Variants in RPS6KA2 observed in about 807,000 individuals in gnomAD.
RPS6KA2 encodes the protein ribosomal protein S6 kinase alpha-2.
RPS6KA2 carries 42 observed loss-of-function variants against 91.8 expected under a neutral mutation model. The observed-to-expected ratio is 0.46, with a 90% confidence interval of 0.36 to 0.59. The LOEUF (loss-of-function observed/expected upper bound fraction) is 0.59, where lower values mean the gene tolerates loss of function less well. Among genes scored for constraint, RPS6KA2 ranks in the 20% least tolerant of loss-of-function variants. RPS6KA2 has a pLI of 0.00. For missense variants in RPS6KA2, 798 were observed against 978.5 expected (o/e 0.82, Z 2.46); for synonymous variants, 414 against 393.6 (o/e 1.05, Z -0.61).
intron 2 of RPS6KA2, among the ~76,000 whole-genome samples, chr6:166,839,206 T>C (rs1780396961): frequency 6.6e-6 from 1 of 152,210 alleles, no homozygotes; most frequent in Non-Finnish European, 1.5e-5. Context: ...AGTCATGGTG[T>C]TCCCCCCTTG....
At position 166,533,250 on chromosome 6, in the gene RPS6KA2, C is replaced by T. The variant is rs772067717; in HGVS notation, c.217-1937G>A. On this transcript the variant is annotated intron_variant, in intron 2 of 20. Coordinates refer to ENST00000265678, the MANE Select transcript of RPS6KA2 (RefSeq NM_021135.6). This position sits in a 1 kb window ranked among gnomAD's most constrained non-coding sequence, Gnocchi z 4.0. ...TGCAACTCCTTTCATTTCTCCAGCC[C>T]GTCCGTGTGCCTAATGTCCCTAGGT... Among the ~76,000 whole-genome samples the T allele has an allele frequency of 1.8e-4, 27 of 152,352 alleles. No individual in the cohort carries two copies. The highest frequency in any genetic ancestry group is 3.2e-4 in the Non-Finnish European group (22 of 68,040).
intron 11 of RPS6KA2, among the ~76,000 whole-genome samples, chr6:166,464,386 GAA>G (rs1780442290): frequency 6.6e-6 from 1 of 152,134 alleles, no homozygotes; most frequent in African/African-American, 2.4e-5. Flanking sequence ...ACTGTACAAA[GAA>G]CATAAACATG....
At chr6:166,647,137 ATCT>A (rs1787631773) in intron 2 of RPS6KA2, among the ~76,000 whole-genome samples, 1 of 150,908 alleles carries the variant, frequency 6.6e-6, no homozygotes, top group South Asian at 2.1e-4. Flanking sequence ...CCAGTTCACC[ATCT>A]TTTTTGCCCC....
Position 166,427,991 on chromosome 6 carries a change from G to A in RPS6KA2, c.1581+2462C>T, listed in dbSNP as rs192890262. On this transcript the variant is annotated intron_variant, in intron 16 of 20. Transcript: ENST00000265678. ...GAACCAAAAAAGAGCCGCCCGCATC[G>A]CCAAGTCAATCCTAAGCCAAAAGAA... Among the ~76,000 whole-genome samples the A allele has an allele frequency of 2.1e-4, 32 of 151,330 alleles. No individual in the cohort carries two copies. The East Asian group carries it at 4.2e-3, about 20-fold the overall frequency.
At chr6:166,808,075 C>T (rs1465836986) in intron 2 of RPS6KA2, among the ~76,000 whole-genome samples, 1 of 151,870 alleles carries the variant, frequency 6.6e-6, no homozygotes, top group Non-Finnish European at 1.5e-5. Flanking sequence ...CACGATGGAC[C>T]CATGGCTCCA....
At chr6:166,744,363 G>A (rs1413579349) in intron 2 of RPS6KA2, among the ~76,000 whole-genome samples, 2 of 152,020 alleles carry the variant, frequency 1.3e-5, no homozygotes, top group African/African-American at 2.4e-5. Flanking sequence ...TGGCCTCGCC[G>A]CAGACCTGAG....
At chr6:166,522,532 C>A (rs1040671672) in intron 3 of RPS6KA2, among the ~76,000 whole-genome samples, 3 of 152,200 alleles carry the variant, frequency 2.0e-5, no homozygotes. Flanking sequence ...AAGACTGAGC[C>A]GACAGACACA....
intron 2 of RPS6KA2, among the ~76,000 whole-genome samples, chr6:166,636,940 C>G (rs1035585255): frequency 4.6e-5 from 7 of 152,196 alleles, no homozygotes; most frequent in Non-Finnish European, 8.8e-5. Flanking sequence ...GTTCCAAAAC[C>G]CTGACACTGC....
Position 166,435,051 on chromosome 6 carries a change from T to C in RPS6KA2, c.1333-2561A>G, listed in dbSNP as rs776473723. Among the ~76,000 whole-genome samples, 8 of 152,194 alleles carry C rather than the reference T, an allele frequency of 5.3e-5. No homozygotes were observed. Among genetic ancestry groups the C allele is most frequent in the Non-Finnish European group, 1.0e-4 (7 of 68,034 alleles). On this transcript the variant is annotated intron_variant, in intron 14 of 20. Transcript: ENST00000265678. This position sits in a 1 kb window ranked among gnomAD's most constrained non-coding sequence, Gnocchi z 4.3. ...AAAATTTTGAACCACAAGAATATAT[T>C]GTCTATTCAAAATATGAAATAAAGA...
rs886466257 is a variant in RPS6KA2 at position 166,500,462 on chromosome 6, G to T, written c.604+425C>A. The stretch of plus-strand genomic sequence containing the variant: ...AGGAGGCAGGGACAGCATCAGTGAG[G>T]GCAGCAGTGCAGGCCGCACTCCAGC... On this transcript the variant is annotated intron_variant, in intron 7 of 20. Coordinates refer to ENST00000265678, the MANE Select transcript of RPS6KA2 (RefSeq NM_021135.6). The surrounding 1 kb of genome is among the most constrained non-coding windows in gnomAD (Gnocchi z 4.3). 6.6e-6 allele frequency among the ~76,000 whole-genome samples: 1 copy of T among 152,124 alleles called. No individual in the cohort carries two copies. The highest frequency in any genetic ancestry group is 1.5e-5 in the Non-Finnish European group (1 of 68,008).
At chr6:166,820,839 C>T (rs1779888837) in intron 2 of RPS6KA2, among the ~76,000 whole-genome samples, 1 of 152,098 alleles carries the variant, frequency 6.6e-6, no homozygotes, top group South Asian at 2.1e-4. Context: ...TTATAATGAC[C>T]TCAATTATTT....
chr6:166,854,061 A>G (rs1467305775), intron 2 of RPS6KA2, among the ~76,000 whole-genome samples: 1 of 152,228 alleles, frequency 6.6e-6, no homozygotes, highest in Non-Finnish European at 1.5e-5. Context: ...TGTTGTTCAG[A>G]ATATGAAGGA....
At chr6:166,499,860 A>G (rs1004928576) in intron 7 of RPS6KA2, among the ~76,000 whole-genome samples, 11 of 152,228 alleles carry the variant, frequency 7.2e-5, no homozygotes, top group Admixed American at 6.5e-4. Context: ...GGACTTTGAG[A>G]ACAGACTAAT....
At chr6:166,593,658 G>GAA (rs3837029) in intron 1 of RPS6KA2, among the ~76,000 whole-genome samples, 1 of 149,016 alleles carries the variant, frequency 6.7e-6, no homozygotes. Context: ...CTGGTTTTCG[G>GAA]AAAAAAAAAA....
rs779268655 is a variant in RPS6KA2, at chr6:166,430,455, C to T, written c.1579G>A (p.Gly527Arg). Residue 527 changes from glycine to arginine, a missense_variant and splice_region_variant, in exon 16 of 21, where the codon GGG becomes AGG. Coordinates refer to ENST00000265678, the MANE Select transcript of RPS6KA2 (RefSeq NM_021135.6). ...TKTMDYLHSQ[G>R]VVHRDLKPSN... The stretch of plus-strand genomic sequence containing the variant: ...GCTGCCCCAGGCATGGCTCCTACCC[C>T]CTGGGAATGGAGGTAGTCCATGGTC... 2 of 1,611,070 alleles carry T rather than the reference C, an allele frequency of 1.2e-6. No homozygotes were observed. Among genetic ancestry groups the T allele is most frequent in the South Asian group, 2.2e-5 (2 of 90,648 alleles).
In RPS6KA2 at chr6:166,434,016, T is replaced by C. The variant is rs1778870699; in HGVS notation, c.1333-1526A>G. 1.3e-5 allele frequency among the ~76,000 whole-genome samples: 2 copies of C among 152,308 alleles called. No individual in the cohort carries two copies. The highest frequency in any genetic ancestry group is 4.2e-4 in the South Asian group (2 of 4,818). On this transcript the variant is annotated intron_variant, in intron 14 of 20. Transcript: ENST00000265678. This position sits in a 1 kb window ranked among gnomAD's most constrained non-coding sequence, Gnocchi z 4.4. The stretch of plus-strand genomic sequence containing the variant: ...TTCAAGTGATCCTCCTGCCTCAGCC[T>C]CCCAAAGTGCTGAGATTACAGGCAT...
At chr6:166,602,868 G>A (rs923138317) in intron 1 of RPS6KA2, among the ~76,000 whole-genome samples, 1 of 152,172 alleles carries the variant, frequency 6.6e-6, no homozygotes, top group African/African-American at 2.4e-5. Context: ...TCCTAAATAT[G>A]TCTGAAATAT....
At chr6:166,643,996 T>C (rs1787528626) in intron 2 of RPS6KA2, among the ~76,000 whole-genome samples, 1 of 152,234 alleles carries the variant, frequency 6.6e-6, no homozygotes, top group African/African-American at 2.4e-5. Context: ...GCTGAATGGA[T>C]AGACGAGTGA....
intron 14 of RPS6KA2, among the ~76,000 whole-genome samples, chr6:166,444,317 C>G (rs917518953): frequency 6.6e-6 from 1 of 152,164 alleles, no homozygotes; most frequent in Non-Finnish European, 1.5e-5. Flanking sequence ...AATGTGCGGA[C>G]AGCAATGCAG....
Sources: gnomAD v4.1 joint callset for allele counts (sites outside exome capture counted in the v4.1 genomes callset) on GRCh38, gnomAD v4.1.1 for gene constraint, Gnocchi (gnomAD v3.1) non-coding constraint, MANE v1.5 for transcripts, NCBI Gene and HGNC (gene_info 2026-07-23, HGNC 2026-07-21) for gene names.